CTNNA2: variants seen among roughly 807,000 people sequenced by gnomAD.
CTNNA2 encodes the protein catenin alpha-2.
Under a neutral mutation model 101.0 loss-of-function variants are expected in CTNNA2, and 42 were observed. The ratio of observed to expected loss-of-function variants is 0.42; its 90% CI spans 0.32 to 0.54. The LOEUF (loss-of-function observed/expected upper bound fraction) is 0.54, where lower values mean the gene tolerates loss of function less well. CTNNA2 is among the 20% of genes least tolerant of loss of function. The pLI is 0.14. For synonymous variants in CTNNA2, 450 were observed against 456.4 expected (o/e 0.99, Z 0.18); for missense variants, 871 against 1,223.1 (o/e 0.71, Z 4.29).
chr2:80,214,776 C>T (rs889747461), intron 7 of CTNNA2, among the ~76,000 whole-genome samples: 20 of 152,106 alleles, frequency 1.3e-4, no homozygotes, highest in Non-Finnish European at 2.2e-4. Context: ...GTGGCGTTCT[C>T]TGTATTTCCT....
chr2:80,531,096 G>T (rs1016159524), intron 9 of CTNNA2, among the ~76,000 whole-genome samples: 2 of 152,116 alleles, frequency 1.3e-5, no homozygotes, highest in African/African-American at 4.8e-5. Flanking sequence ...GCTGTTAAGG[G>T]GAATGAGTTG....
chr2:79,892,100 C>T, intron 6 of CTNNA2, among the ~76,000 whole-genome samples: 1 of 152,070 alleles, frequency 6.6e-6, no homozygotes, highest in East Asian at 1.9e-4. Flanking sequence ...CATACACACA[C>T]TCCTTAACTA....
chr2:79,766,517 G>A (rs1347584333), intron 3 of CTNNA2, among the ~76,000 whole-genome samples: 3 of 151,918 alleles, frequency 2.0e-5, no homozygotes, highest in Admixed American at 1.3e-4. Flanking sequence ...GTTTTCTTTG[G>A]GTTAAATCTG....
chr2:79,832,829 A>G (rs184340460), intron 3 of CTNNA2, among the ~76,000 whole-genome samples: 1 of 152,324 alleles, frequency 6.6e-6, no homozygotes, highest in Non-Finnish European at 1.5e-5. Flanking sequence ...CCAGTACCAG[A>G]TGTGACTCTG....
Position 80,376,029 on chromosome 2 carries a change from A to G in CTNNA2, c.1057-17182A>G, listed in dbSNP as rs530274735. On this transcript the variant is annotated intron_variant, in intron 7 of 18. Coordinates refer to ENST00000402739, the MANE Select transcript of CTNNA2 (RefSeq NM_001282597.3). ...TGGTAGTTCCTGCTTTGGATCCACC[A>G]CAGCACACAGAAGCTCCAGGATAAG... 2.6e-5 allele frequency among the ~76,000 whole-genome samples: 4 copies of G among 152,246 alleles called. No individual in the cohort carries two copies. The South Asian group carries it at 8.3e-4, about 32-fold the overall frequency.
intron 7 of CTNNA2, among the ~76,000 whole-genome samples, chr2:80,248,581 A>G (rs465222): frequency 0.52 from 78,592 of 152,024 alleles, 21,740 homozygotes; most frequent in Non-Finnish European, 0.63. Flanking sequence ...TTTGTAGCCC[A>G]GTTTTGTCTG....
At chr2:79,885,488 T>C (rs1683789912) in intron 6 of CTNNA2, among the ~76,000 whole-genome samples, 1 of 152,206 alleles carries the variant, frequency 6.6e-6, no homozygotes. Context: ...GAAGGATAAG[T>C]GTCTCCTGGG....
chr2:80,405,407 T>G (rs1440912281), intron 8 of CTNNA2, among the ~76,000 whole-genome samples: 1 of 152,176 alleles, frequency 6.6e-6, no homozygotes, highest in Non-Finnish European at 1.5e-5. Context: ...GTTGTTAAAG[T>G]TGGTACACTT....
intron 7 of CTNNA2, among the ~76,000 whole-genome samples, chr2:80,001,138 G>A (rs1692918665): frequency 6.6e-6 from 1 of 152,084 alleles, no homozygotes; most frequent in Non-Finnish European, 1.5e-5. Flanking sequence ...TTGTTTATGT[G>A]TGTAAAATAT....
intron 7 of CTNNA2, among the ~76,000 whole-genome samples, chr2:80,378,287 C>T (rs911744418): frequency 2.6e-5 from 4 of 151,662 alleles, no homozygotes; most frequent in East Asian, 1.9e-4. Context: ...ACGCAGGAGA[C>T]GGAGCTTGCA....
chr2:80,093,947 C>G (rs1045947543), intron 7 of CTNNA2, among the ~76,000 whole-genome samples: 1 of 151,780 alleles, frequency 6.6e-6, no homozygotes, highest in East Asian at 1.9e-4. Flanking sequence ...TTCTCCCATT[C>G]TGTAGGTTGC....
intron 1 of CTNNA2, among the ~76,000 whole-genome samples, chr2:79,541,187 C>T (rs941411176): frequency 7.0e-6 from 1 of 143,824 alleles, no homozygotes; most frequent in Non-Finnish European, 1.5e-5. Flanking sequence ...ATATATATTA[C>T]ACATATATAT....
At chr2:80,268,905 C>T (rs1477035505) in intron 7 of CTNNA2, among the ~76,000 whole-genome samples, 1 of 152,196 alleles carries the variant, frequency 6.6e-6, no homozygotes, top group Non-Finnish European at 1.5e-5. Flanking sequence ...GGGCTCCATA[C>T]TCTCCTGCAA....
chr2:80,198,600 T>A (rs1379065613), intron 7 of CTNNA2, among the ~76,000 whole-genome samples: 2 of 152,278 alleles, frequency 1.3e-5, no homozygotes, highest in East Asian at 3.9e-4. Context: ...TGTGAGACTG[T>A]TTTTAACCAA....
intron 9 of CTNNA2, among the ~76,000 whole-genome samples, chr2:80,477,186 C>T (rs1053558610): frequency 2.0e-5 from 3 of 152,080 alleles, no homozygotes; most frequent in Admixed American, 6.6e-5. Context: ...CACATACACA[C>T]GCACACATAC....
intron 3 of CTNNA2, among the ~76,000 whole-genome samples, chr2:79,812,378 A>T (rs1179180590): frequency 6.6e-6 from 1 of 152,122 alleles, no homozygotes; most frequent in African/African-American, 2.4e-5. Flanking sequence ...GTTTTAACTG[A>T]GATTCCTTTA....
chr2:79,869,701 A>G (rs1050401245), intron 4 of CTNNA2, 115 bp from the exon 5 acceptor site: 39 of 1,306,712 alleles, frequency 3.0e-5, no homozygotes, highest in Non-Finnish European at 3.9e-5. Context: ...TTTTTCATTT[A>G]CATGTTAACA....
At chr2:79,863,427 A>G (rs548055469) in intron 4 of CTNNA2, among the ~76,000 whole-genome samples, 2 of 152,208 alleles carry the variant, frequency 1.3e-5, no homozygotes, top group Non-Finnish European at 2.9e-5. Context: ...CCTCTCCTCG[A>G]ACCTATCGCT....
intron 4 of CTNNA2, among the ~76,000 whole-genome samples, chr2:79,409,730 G>A (rs1346393322): frequency 6.7e-6 from 1 of 148,726 alleles, no homozygotes; most frequent in Admixed American, 6.7e-5. Flanking sequence ...AAGTCAGGTA[G>A]CGTGATGCCT....
Sources: allele counts gnomAD v4.1 joint callset (sites outside exome capture counted in the v4.1 genomes callset), GRCh38; gene constraint gnomAD v4.1.1; transcripts MANE v1.5; gene names NCBI Gene and HGNC (gene_info 2026-07-23, HGNC 2026-07-21).